Variants in CAGE1 observed in about 807,000 individuals in gnomAD.
The protein encoded by CAGE1 is cancer antigen 1, also known as cancer-associated gene 1 protein.
In CAGE1, 66 loss-of-function variants were observed where a neutral mutation model predicts 94.9. That is an observed-to-expected ratio of 0.70 (90% confidence interval 0.57 to 0.85). The LOEUF is 0.85. Among genes scored for constraint, CAGE1 ranks in the 40% least tolerant of loss-of-function variants. CAGE1 has a pLI of 0.00. For synonymous variants in CAGE1, 319 were observed against 321.0 expected, an observed-to-expected ratio of 0.99 and a Z score of 0.07; for missense variants, 865 against 950.4, an observed-to-expected ratio of 0.91 and a Z score of 1.18.
rs569560870 is a variant in CAGE1 at position 7,339,644 on chromosome 6, A to G, written c.2370-5554T>C. ...TTTGTGTCCTCATAGCTTAGCTCCC[A>G]CTTATGAGTGAGAACATATGATGTT... On this transcript the variant is annotated intron_variant, in intron 11 of 13. Transcript: ENST00000502583. This position sits in a 1 kb window ranked among gnomAD's most constrained non-coding sequence, Gnocchi z 4.7. The G allele has an allele frequency of 2.2e-5, 14 of 626,232 alleles. No homozygotes were observed. In the East Asian group the frequency reaches 2.5e-4, roughly 11 times the overall value. The allele number at this position is 626,232 out of a possible 1,614,324, so 38.8% of individuals were successfully genotyped here. A position where few individuals can be genotyped will look rare whatever the true frequency, so the allele number is the denominator to read the frequency against.
At position 7,374,037 on chromosome 6, in the gene CAGE1, C is replaced by T; in HGVS notation, c.782G>A (p.Arg261Lys). Residue 261 changes from arginine (R) to lysine (K), a missense_variant, in exon 5 of 14, where the codon AGG (arginine) becomes AAG (lysine). Transcript: ENST00000502583. ...EKEVTAEGVERPEIVSTWSSA... is the reference protein window; with the variant it reads ...EKEVTAEGVEKPEIVSTWSSA... ...AGACCAAGTTGAGACAATTTCTGGC[C>T]TCTCCACACCCTCTGCTGTGACTTC... The T allele has an allele frequency of 6.2e-7, 1 of 1,614,010 alleles. No homozygotes were observed. Among genetic ancestry groups the T allele is most frequent in the East Asian group, 2.2e-5 (1 of 44,884 alleles).
Position 7,341,161 on chromosome 6 carries a change from T to C in CAGE1, c.2370-7071A>G, listed in dbSNP as rs1354967257. On this transcript the variant is annotated intron_variant, in intron 11 of 13. Transcript: ENST00000502583. The stretch of plus-strand genomic sequence containing the variant: ...CAGCCGGTAGTTATTGGTGGGCAGG[T>C]ACACTTTGTCAATCCATTCTGTGTT... 5.2e-6 allele frequency: 3 copies of C among 578,738 alleles called. No individual in the cohort carries two copies. In the African/African-American group the frequency reaches 5.6e-5, roughly 11 times the overall value. 35.9% of individuals were successfully genotyped at this position (578,738 alleles called of 1,614,324 possible).
At chr6:7,374,197 A>T in intron 4 of CAGE1, 66 bp from the exon 5 acceptor site, 2 of 1,340,950 alleles carry the variant, frequency 1.5e-6, no homozygotes, top group Non-Finnish European at 2.1e-6. Context: ...CAAGTCAAAT[A>T]GGGCTGGCCT....
intron 4 of CAGE1, among the ~76,000 whole-genome samples, chr6:7,376,380 C>T (rs1434558826): frequency 6.7e-6 from 1 of 149,114 alleles, no homozygotes; most frequent in Non-Finnish European, 1.5e-5. Flanking sequence ...CAGAGCGAGA[C>T]TCCATCTCAA....
intron 9 of CAGE1, among the ~76,000 whole-genome samples, chr6:7,361,387 A>C (rs1760161146): frequency 6.6e-6 from 1 of 152,222 alleles, no homozygotes; most frequent in Non-Finnish European, 1.5e-5. Context: ...GATTCAGGTT[A>C]TGACTCTTTA....
intron 12 of CAGE1, chr6:7,331,571 C>T (rs768032542): frequency 1.7e-5 from 6 of 352,780 alleles, no homozygotes; most frequent in African/African-American, 4.4e-5. Context: ...CCATTCTGGG[C>T]CCCATTAAAT....
chr6:7,366,443 C>T (rs1319718665), intron 7 of CAGE1, among the ~76,000 whole-genome samples: 1 of 152,152 alleles, frequency 6.6e-6, no homozygotes, highest in Non-Finnish European at 1.5e-5. Context: ...TTCCACCATT[C>T]TCTGATGTAA....
intron 7 of CAGE1, among the ~76,000 whole-genome samples, chr6:7,367,236 T>A (rs1277324450): frequency 1.3e-5 from 2 of 148,832 alleles, no homozygotes. Flanking sequence ...ACAGAAAAAA[T>A]TAACCAAAAG....
intron 11 of CAGE1, among the ~76,000 whole-genome samples, chr6:7,349,759 C>T (rs1161530583): frequency 6.6e-6 from 1 of 151,752 alleles, no homozygotes. Context: ...ATGGTGAAAC[C>T]CCATCTTTAC....
At position 7,387,197 on chromosome 6, in the gene CAGE1, CT is replaced by C. The variant is rs1331080704; in HGVS notation, c.-23-2del. ...ATAACTGTTGAACAATAGAAGACTT[CT>C]TTAAAAAAAAAATGTGTCTATTAGT... On this transcript the variant is annotated splice_acceptor_variant, in intron 1 of 13. Transcript: ENST00000502583. LOFTEE classifies it low-confidence loss of function (5UTR_SPLICE). 6.7e-7 allele frequency: 1 copy of C among 1,488,716 alleles called. No homozygotes were observed. The highest frequency in any genetic ancestry group is 9.0e-7 in the Non-Finnish European group (1 of 1,112,324). The allele number at this position is 1,488,716 out of a possible 1,614,324, so 92.2% of individuals were successfully genotyped here.
Position 7,355,036 on chromosome 6 carries a change from C to A in CAGE1, c.2369+5G>T. 1 of 1,594,014 alleles carries A rather than the reference C, an allele frequency of 6.3e-7. No individual in the cohort carries two copies. The highest frequency in any genetic ancestry group is 1.1e-5 in the South Asian group (1 of 87,856). The stretch of plus-strand genomic sequence containing the variant: ...CAAAATTAAGGATTCGTTTTTTCAA[C>A]TTACTGTGCAATCTGGGAGTGGGAT... On this transcript the variant is annotated splice_donor_5th_base_variant and intron_variant, in intron 11 of 13. Coordinates refer to ENST00000502583, the MANE Select transcript of CAGE1 (RefSeq NM_001170692.2).
intron 3 of CAGE1, among the ~76,000 whole-genome samples, chr6:7,382,934 T>A (rs950074347): frequency 6.6e-6 from 1 of 152,074 alleles, no homozygotes; most frequent in Non-Finnish European, 1.5e-5. Flanking sequence ...AAAGAAATCT[T>A]TTCTGTTGTC....
At chr6:7,338,040 C>T (rs78090185) in intron 11 of CAGE1, among the ~76,000 whole-genome samples, 6,486 of 152,214 alleles carry the variant, frequency 0.043, 219 homozygotes, top group African/African-American at 0.094. Flanking sequence ...TACATACTTT[C>T]GCCAAATTTA....
intron 13 of CAGE1, 104 bp downstream of exon 13, chr6:7,329,745 C>A: frequency 1.6e-6 from 1 of 620,168 alleles, no homozygotes; most frequent in South Asian, 2.0e-5. Flanking sequence ...GGCTAGGTTG[C>A]ACAGTATGGA....
chr6:7,341,032 A>T (rs899184021), intron 11 of CAGE1: 1 of 469,940 alleles, frequency 2.1e-6, no homozygotes, highest in Non-Finnish European at 4.2e-6. Flanking sequence ...ACAGGGATCC[A>T]GGTACTTTTT....
intron 1 of CAGE1, among the ~76,000 whole-genome samples, chr6:7,387,885 T>TA (rs1432409557): frequency 1.6e-5 from 2 of 125,294 alleles, no homozygotes; most frequent in African/African-American, 3.2e-5. Flanking sequence ...AAAAAAAAAA[T>TA]TAGCTGGGCG....
intron 12 of CAGE1, among the ~76,000 whole-genome samples, chr6:7,332,510 C>T (rs1014314238): frequency 9.9e-5 from 15 of 152,176 alleles, no homozygotes; most frequent in Non-Finnish European, 1.3e-4. Context: ...TCTCAACAAG[C>T]TCAGAGAGAA....
At chr6:7,387,320 G>C in intron 1 of CAGE1, 124 bp from the exon 2 acceptor site, 2 of 622,368 alleles carry the variant, frequency 3.2e-6, no homozygotes, top group Admixed American at 3.0e-5. Flanking sequence ...CAAGTTATTA[G>C]AAAAATTAAA....
chr6:7,355,933 G>C, intron 10 of CAGE1, 92 bp downstream of exon 10: 2 of 685,958 alleles, frequency 2.9e-6, no homozygotes, highest in South Asian at 3.5e-5. Flanking sequence ...GAGCCCAGGG[G>C]ATTGAGGCTG....
Sources: allele counts gnomAD v4.1 joint callset (sites outside exome capture counted in the v4.1 genomes callset), GRCh38; gene constraint gnomAD v4.1.1; non-coding constraint Gnocchi (gnomAD v3.1); transcripts MANE v1.5; gene names NCBI Gene and HGNC (gene_info 2026-07-23, HGNC 2026-07-21).